The following MTHFD1L variants were observed in gnomAD, a reference collection of about 807,000 sequenced individuals.
MTHFD1L encodes methylenetetrahydrofolate dehydrogenase (NADP+ dependent) 1 like.
Under a neutral mutation model 119.5 loss-of-function variants are expected in MTHFD1L, and 81 were observed. The observed-to-expected ratio is 0.68, with a 90% CI of 0.57 to 0.82. The LOEUF is 0.82. Among genes scored for constraint, MTHFD1L ranks in the 40% least tolerant of loss-of-function variants. MTHFD1L has a pLI of 0.00. For missense variants in MTHFD1L, 1,125 were observed against 1,253.4 expected, an observed-to-expected ratio of 0.90 and a Z score of 1.55; for synonymous variants, 430 against 475.2, an observed-to-expected ratio of 0.90 and a Z score of 1.24.
rs186501513 is a variant in MTHFD1L at position 150,896,676 on chromosome 6, A to G, written c.780+8695A>G. Among the ~76,000 whole-genome samples the G allele has an allele frequency of 2.2e-4, 34 of 152,292 alleles. No homozygotes were observed. The South Asian group carries it at 6.2e-3, about 28-fold the overall frequency. On this transcript the variant is annotated intron_variant, in intron 7 of 27. Coordinates refer to ENST00000367321, the MANE Select transcript of MTHFD1L (RefSeq NM_015440.5). ...CTGTCTGATCATTGCTCTGTTTGTT[A>G]ATACCAAGGAAGAAAGTGAATAGAA...
At chr6:150,925,868 A>G (rs1417600481) in intron 10 of MTHFD1L, among the ~76,000 whole-genome samples, 1 of 152,158 alleles carries the variant, frequency 6.6e-6, no homozygotes, top group Non-Finnish European at 1.5e-5. Flanking sequence ...TCTCTATGCC[A>G]TAGGTGTTAT....
chr6:150,885,832 A>T (rs951030775), intron 6 of MTHFD1L, 98 bp downstream of exon 6: 8 of 890,310 alleles, frequency 9.0e-6, no homozygotes, highest in Admixed American at 5.3e-5. Flanking sequence ...AAATTTTTTT[A>T]AATTATTATT....
chr6:150,891,437 A>G (rs1238036105), intron 7 of MTHFD1L, among the ~76,000 whole-genome samples: 2 of 148,738 alleles, frequency 1.3e-5, no homozygotes, highest in Non-Finnish European at 3.0e-5. Flanking sequence ...TATGTATTAC[A>G]TATAATCCTT....
intron 2 of MTHFD1L, among the ~76,000 whole-genome samples, chr6:150,876,874 G>C (rs528162216): frequency 6.6e-6 from 1 of 152,346 alleles, no homozygotes; most frequent in South Asian, 2.1e-4. Context: ...CAGGATTACA[G>C]AGCTGTGCTC....
At chr6:150,916,803 C>T (rs1262142565) in intron 8 of MTHFD1L, among the ~76,000 whole-genome samples, 22 of 103,056 alleles carry the variant, frequency 2.1e-4, no homozygotes, top group Admixed American at 4.5e-4. Context: ...GCTCTTGTTG[C>T]CCAGGCTGGA....
intron 11 of MTHFD1L, among the ~76,000 whole-genome samples, chr6:150,932,067 C>G (rs1486315255): frequency 2.3e-5 from 3 of 132,890 alleles, no homozygotes; most frequent in Non-Finnish European, 4.6e-5. Flanking sequence ...GAGGGTGAGG[C>G]AAGAGAATTG....
intron 16 of MTHFD1L, among the ~76,000 whole-genome samples, chr6:150,953,657 G>A (rs12663551): frequency 0.016 from 2,508 of 152,058 alleles, 116 homozygotes; most frequent in Admixed American, 0.1. Flanking sequence ...ATCACTTACC[G>A]GGCCATGTTA....
intron 20 of MTHFD1L, among the ~76,000 whole-genome samples, chr6:151,006,909 G>A (rs768950587): frequency 6.6e-6 from 1 of 151,978 alleles, no homozygotes; most frequent in Non-Finnish European, 1.5e-5. Flanking sequence ...ACTATAGGGC[G>A]ACATTAAACA....
chr6:150,908,258 T>C (rs185569850), intron 8 of MTHFD1L, among the ~76,000 whole-genome samples: 102 of 151,970 alleles, frequency 6.7e-4, no homozygotes, highest in Admixed American at 2.5e-3. Flanking sequence ...GAATCAAAAT[T>C]CTACTCTGCT....
At chr6:151,002,171 T>C (rs143317924) in intron 20 of MTHFD1L, among the ~76,000 whole-genome samples, 2,146 of 152,340 alleles carry the variant, frequency 0.014, 28 homozygotes, top group Non-Finnish European at 0.016. Context: ...AAATGCTATG[T>C]GATCAGTTGA....
At chr6:151,085,497 G>A (rs75825427) in intron 26 of MTHFD1L, among the ~76,000 whole-genome samples, 4,504 of 152,166 alleles carry the variant, frequency 0.03, 239 homozygotes, top group African/African-American at 0.1. Context: ...TTGGCCGGGC[G>A]CGTTGTCTCA....
At chr6:151,076,676 A>T (rs1447117083) in intron 26 of MTHFD1L, among the ~76,000 whole-genome samples, 1 of 151,180 alleles carries the variant, frequency 6.6e-6, no homozygotes, top group Admixed American at 6.6e-5. Flanking sequence ...AAGACTGACC[A>T]TACCAAATGT....
intron 26 of MTHFD1L, among the ~76,000 whole-genome samples, chr6:151,079,516 G>A (rs1157533130): frequency 6.6e-6 from 1 of 151,966 alleles, no homozygotes; most frequent in Non-Finnish European, 1.5e-5. Context: ...GGAGTGCGAT[G>A]GCATGATCTC....
At chr6:150,892,184 C>A (rs1783418241) in intron 7 of MTHFD1L, among the ~76,000 whole-genome samples, 1 of 152,216 alleles carries the variant, frequency 6.6e-6, no homozygotes, top group Non-Finnish European at 1.5e-5. Flanking sequence ...GGAAAATAAA[C>A]CGTGCCCTGC....
intron 21 of MTHFD1L, among the ~76,000 whole-genome samples, chr6:151,012,316 TC>T (rs1298850799): frequency 1.5e-4 from 23 of 151,582 alleles, no homozygotes; most frequent in Admixed American, 1.5e-3. Context: ...CATCTCGGTG[TC>T]CTTCCTTCAT....
intron 8 of MTHFD1L, among the ~76,000 whole-genome samples, chr6:150,914,727 A>G (rs1055869837): frequency 1.3e-5 from 2 of 152,228 alleles, no homozygotes; most frequent in Non-Finnish European, 2.9e-5. Context: ...CTGCCGGTGG[A>G]CAGCCTTTGG....
chr6:150,986,730 A>G (rs140686560), intron 20 of MTHFD1L, among the ~76,000 whole-genome samples: 2 of 152,112 alleles, frequency 1.3e-5, no homozygotes, highest in Non-Finnish European at 2.9e-5. Context: ...TTGGAGATCA[A>G]GTCTCACTCT....
intron 11 of MTHFD1L, chr6:150,934,908 G>T (rs1222748873): frequency 5.3e-6 from 8 of 1,509,594 alleles, no homozygotes; most frequent in Non-Finnish European, 7.1e-6. Context: ...GCTACCAAGA[G>T]AAATTCTAAA....
At chr6:150,931,699 A>C (rs1283359855) in intron 11 of MTHFD1L, among the ~76,000 whole-genome samples, 2 of 152,220 alleles carry the variant, frequency 1.3e-5, no homozygotes, top group Admixed American at 6.5e-5. Flanking sequence ...CTATTCAACA[A>C]GATTCTGGGT....
Sources: gnomAD v4.1 joint callset for allele counts (sites outside exome capture counted in the v4.1 genomes callset) on GRCh38, gnomAD v4.1.1 for gene constraint, MANE v1.5 for transcripts, NCBI Gene and HGNC (gene_info 2026-07-23, HGNC 2026-07-21) for gene names.